Variants in INF2 observed in about 807,000 individuals in gnomAD.
The protein encoded by INF2 is inverted formin 2.
In INF2, 43 loss-of-function variants were observed where a neutral mutation model predicts 123.5. That is an observed-to-expected ratio of 0.35 (90% CI 0.27 to 0.45). The LOEUF is 0.45. Among genes scored for constraint, INF2 ranks in the 20% least tolerant of loss-of-function variants. INF2 has a pLI of 1.00. For missense variants in INF2, 1,453 were observed against 1,682.7 expected, an observed-to-expected ratio of 0.86 and a Z score of 2.39; for synonymous variants, 851 against 745.0, an observed-to-expected ratio of 1.14 and a Z score of -2.32.
At position 104,703,636 on chromosome 14, in the gene INF2, C is replaced by T. The variant is rs560474512; in HGVS notation, c.667+182C>T. On this transcript the variant is annotated intron_variant, in intron 4 of 22. Transcript: ENST00000392634. ...CCTTCAATGGACACAGGCCTCAGAA[C>T]GCCTGGGGGTCAACCCTGGACCGTT... Among the ~76,000 whole-genome samples the T allele has an allele frequency of 4.6e-5, 7 of 152,350 alleles. No individual in the cohort carries two copies. In the East Asian group the frequency reaches 5.8e-4, roughly 13 times the overall value.
At position 104,696,776 on chromosome 14, in the gene INF2, T is replaced by G. The variant is rs151106986; in HGVS notation, c.-9-4581T>G. On this transcript the variant is annotated intron_variant, in intron 1 of 22. Transcript: ENST00000392634. ...CAGTGTGGCAGCCCCTGCCTCCTAG[T>G]TCCGGAATCCTCTCCTGCCGTTCTG... is the stretch of plus-strand genomic sequence containing the variant. Among the ~76,000 whole-genome samples the G allele has an allele frequency of 3.5e-3, 534 of 152,176 alleles. 6 individuals carry two copies. Among genetic ancestry groups the G allele is most frequent in the African/African-American group, 0.012 (515 of 41,506 alleles).
intron 18 of INF2, 102 bp downstream of exon 18, chr14:104,713,094 G>A (rs913003530): frequency 4.7e-5 from 75 of 1,607,074 alleles, no homozygotes; most frequent in Non-Finnish European, 5.5e-5. Context: ...TCGTCGGGCC[G>A]ACACAGCCAT....
At chr14:104,698,253 C>T (rs962309455) in intron 1 of INF2, among the ~76,000 whole-genome samples, 5 of 152,224 alleles carry the variant, frequency 3.3e-5, no homozygotes, top group African/African-American at 7.2e-5. Context: ...CACCTTCCAG[C>T]GTATTGTTCC....
upstream of INF2, chr14:104,689,363 T>C: frequency 1.5e-6 from 1 of 688,506 alleles, no homozygotes; most frequent in African/African-American, 1.9e-5. Context: ...GGCCCCGATC[T>C]GCGCGTCCCA....
At chr14:104,704,300 A>C in intron 5 of INF2, 1 of 685,884 alleles carries the variant, frequency 1.5e-6, no homozygotes, top group Non-Finnish European at 2.2e-6. Flanking sequence ...AGGGTGGTTC[A>C]CGTGGACGCA....
At chr14:104,682,227 G>A (rs957336890) in intron 1 of INF2, among the ~76,000 whole-genome samples, 1 of 152,208 alleles carries the variant, frequency 6.6e-6, no homozygotes, top group Admixed American at 6.5e-5. Context: ...CAGGCAGGAG[G>A]CAGCAGTGTG....
chr14:104,720,965 G>A lies in INF2; in HGVS notation c.*2172G>A, dbSNP rs1400045440. On this transcript the variant is annotated 3_prime_UTR_variant, in exon 23 of 23. Coordinates refer to ENST00000392634, the MANE Select transcript of INF2 (RefSeq NM_022489.4). The stretch of plus-strand genomic sequence containing the variant: ...TGCTGTGGACGTCTGCGTCGTCCTC[G>A]TGTGGATGCTGCTGTGGACGTCTGC... 3 of 58,930 alleles carry A rather than the reference G, an allele frequency of 5.1e-5. No homozygotes were observed. Among genetic ancestry groups the A allele is most frequent in the African/African-American group, 2.9e-4 (3 of 10,348 alleles). 3.7% of individuals were successfully genotyped at this position (58,930 alleles called of 1,614,324 possible). A position where few individuals can be genotyped will look rare whatever the true frequency, so the allele number is the denominator to read the frequency against.
chr14:104,719,022 C>A lies in INF2; in HGVS notation c.*229C>A. 9.6e-7 allele frequency: 1 copy of A among 1,044,954 alleles called. No individual in the cohort carries two copies. The highest frequency in any genetic ancestry group is 1.3e-6 in the Non-Finnish European group (1 of 761,952). 64.7% of individuals were successfully genotyped at this position (1,044,954 alleles called of 1,614,324 possible). ...GCCTGGTGCCCTCCTGGACCGCCTG[C>A]ACGTGCCAGCCTCCCACCTGCTTCC... On this transcript the variant is annotated 3_prime_UTR_variant, in exon 23 of 23. Coordinates refer to ENST00000392634, the MANE Select transcript of INF2 (RefSeq NM_022489.4).
chr14:104,709,015 G>T (rs1889915320), intron 10 of INF2, among the ~76,000 whole-genome samples: 2 of 152,184 alleles, frequency 1.3e-5, no homozygotes, highest in South Asian at 2.1e-4. Context: ...CCTGCTGCGG[G>T]TGTCCAGCAC....
intron 1 of INF2, chr14:104,691,223 A>G (rs1192557274): frequency 6.6e-6 from 1 of 152,268 alleles, no homozygotes; most frequent in Non-Finnish European, 1.5e-5. Context: ...CCTACCTGAA[A>G]TAGACTCTGC....
chr14:104,684,510 C>T lies in INF2; in HGVS notation c.-104+2928C>T, dbSNP rs75540453. The T allele has an allele frequency of 5.1e-4, 92 of 180,088 alleles. No individual in the cohort carries two copies. The East Asian group carries it at 9.0e-3, about 18-fold the overall frequency. The allele number at this position is 180,088 out of a possible 1,614,324, so 11.2% of individuals were successfully genotyped here. ...CCAGACACAAAGGTTGACATTTACA[C>T]GCAATCCTAGAATGACGGCTCTATG... is the stretch of plus-strand genomic sequence containing the variant. On this transcript the variant is annotated intron_variant, in intron 1 of 2. Transcript: ENST00000674723. This position sits in a 1 kb window ranked among gnomAD's most constrained non-coding sequence, Gnocchi z 5.0.
intron 16 of INF2, 22 bp downstream of exon 16, chr14:104,711,721 G>A (rs745628730): frequency 1.9e-6 from 3 of 1,608,358 alleles, no homozygotes; most frequent in South Asian, 2.2e-5. Flanking sequence ...CTGCCAGCCC[G>A]CCCACCTCAG....
At chr14:104,689,472 G>T, upstream of INF2, 1 of 424,290 alleles carries the variant, frequency 2.4e-6, no homozygotes, top group Non-Finnish European at 3.2e-6. Context: ...CGCCCTCAGG[G>T]ACCGGCCACA....
intron 19 of INF2, 22 bp downstream of exon 19, chr14:104,713,331 G>A (rs201633273): frequency 1.9e-5 from 29 of 1,551,308 alleles, no homozygotes; most frequent in East Asian, 2.4e-5. Flanking sequence ...CCGGCTGGGC[G>A]GGGAGGGGGT....
chr14:104,697,893 G>GA (rs995720472), intron 1 of INF2, among the ~76,000 whole-genome samples: 2 of 152,224 alleles, frequency 1.3e-5, no homozygotes, highest in African/African-American at 4.8e-5. Context: ...CTGCCGGGGG[G>GA]GGTGGATGGG....
At chr14:104,698,786 C>G (rs967213612) in intron 1 of INF2, among the ~76,000 whole-genome samples, 1 of 152,142 alleles carries the variant, frequency 6.6e-6, no homozygotes, top group African/African-American at 2.4e-5. Flanking sequence ...AGGAGGAGAG[C>G]AGCTCCGGCC....
chr14:104,694,329 C>G (rs1335577963), intron 1 of INF2, among the ~76,000 whole-genome samples: 1 of 152,268 alleles, frequency 6.6e-6, no homozygotes, highest in Admixed American at 6.5e-5. Context: ...TGCCAAGCGG[C>G]ATGTTGCACC....
rs757627443 is a variant in INF2, at chr14:104,711,023, C to G, written c.2310+16C>G. 3.7e-6 allele frequency: 6 copies of G among 1,611,444 alleles called. No individual in the cohort carries two copies. The East Asian group carries it at 1.1e-4, about 30-fold the overall frequency. The stretch of plus-strand genomic sequence containing the variant: ...CCTCAACTACGTAAGTCAGGGGCAG[C>G]TCCCCATCCCACCTGGTGCCAGGGG... On this transcript the variant is annotated intron_variant, in intron 14 of 22. Coordinates refer to ENST00000392634, the MANE Select transcript of INF2 (RefSeq NM_022489.4).
Position 104,701,749 on chromosome 14 carries a change from C to G in INF2, c.384C>G (p.Leu128=). The change falls in exon 2 of 23, where the codon CTC becomes CTG. Residue 128 remains leucine (L), a synonymous_variant. Coordinates refer to ENST00000392634, the MANE Select transcript of INF2 (RefSeq NM_022489.4). ...GCAACCAGGGCTACGTGCGCCAGCT[C>G]TCCCAGGGTGAGCCGCAGTGTGGGA... ...ILSNQGYVRQ[L]SQALDTSNVM... is the part of the protein sequence containing the mutation. The G allele has an allele frequency of 6.6e-7, 1 of 1,509,356 alleles. No homozygotes were observed. Among genetic ancestry groups the G allele is most frequent in the Non-Finnish European group, 8.9e-7 (1 of 1,127,932 alleles). 93.5% of individuals were successfully genotyped at this position (1,509,356 alleles called of 1,614,324 possible). A position where few individuals can be genotyped will look rare whatever the true frequency, so the allele number is the denominator to read the frequency against.
Sources: gnomAD v4.1 joint callset for allele counts (sites outside exome capture counted in the v4.1 genomes callset) on GRCh38, gnomAD v4.1.1 for gene constraint, Gnocchi (gnomAD v3.1) non-coding constraint, MANE v1.5 for transcripts, NCBI Gene and HGNC (gene_info 2026-07-23, HGNC 2026-07-21) for gene names.